The following ASCC1 variants were observed in gnomAD, a reference collection of about 807,000 sequenced individuals.
The protein encoded by ASCC1 is activating signal cointegrator 1 complex subunit 1.
In ASCC1, 35 loss-of-function variants were observed where a neutral mutation model predicts 46.6. The observed-to-expected ratio is 0.75, with a 90% CI of 0.57 to 0.99. ASCC1 has a LOEUF of 0.99. ASCC1 is among the 50% of genes least tolerant of loss of function. ASCC1 has a pLI of 0.00. For synonymous variants in ASCC1, 143 were observed against 146.6 expected (o/e 0.98, Z 0.18); for missense variants, 376 against 428.7 (o/e 0.88, Z 1.09).
Position 72,161,718 on chromosome 10 carries a change from G to C in ASCC1, c.490-44C>G, listed in dbSNP as rs1468981138. The C allele has an allele frequency of 3.1e-6, 5 of 1,612,530 alleles. No homozygotes were observed. In the South Asian group the frequency reaches 4.4e-5, roughly 14 times the overall value. On this transcript the variant is annotated intron_variant, in intron 5 of 9. Transcript: ENST00000672957. ...AAACAAGAAACTCAGCCCATACAAA[G>C]GCAAATGGCAAGAATAAAATTGAGT...
At chr10:72,189,035 G>C (rs934294914) in intron 5 of ASCC1, among the ~76,000 whole-genome samples, 2 of 151,976 alleles carry the variant, frequency 1.3e-5, no homozygotes, top group Admixed American at 6.6e-5. Context: ...AGATTAGAAG[G>C]CCTAAGCTAC....
chr10:72,097,314 A>G lies in ASCC1; in HGVS notation c.*20T>C, dbSNP rs1218943532. 11 of 1,494,692 alleles carry G rather than the reference A, an allele frequency of 7.4e-6. No individual in the cohort carries two copies. The highest frequency in any genetic ancestry group is 1.7e-4 in the Middle Eastern group (1 of 5,852). 92.6% of individuals were successfully genotyped at this position (1,494,692 alleles called of 1,614,324 possible). On this transcript the variant is annotated 3_prime_UTR_variant, in exon 10 of 10. Coordinates refer to ENST00000672957, the MANE Select transcript of ASCC1 (RefSeq NM_001198800.3). ...CACCTGGTGAAGATGTTTAGTTTCT[A>G]GTGCTTTCCAAGATCCACCTCAGGA...
At chr10:72,098,234 G>A (rs970991950) in intron 9 of ASCC1, among the ~76,000 whole-genome samples, 1 of 152,222 alleles carries the variant, frequency 6.6e-6, no homozygotes, top group Admixed American at 6.5e-5. Context: ...AATGACATCA[G>A]AATTCATCCC....
chr10:72,109,843 C>A (rs982954987), intron 9 of ASCC1, among the ~76,000 whole-genome samples: 1 of 152,166 alleles, frequency 6.6e-6, no homozygotes, highest in South Asian at 2.1e-4. Context: ...TACGCTGACC[C>A]GGCTGGAGAA....
Position 72,201,608 on chromosome 10 carries a change from C to T in ASCC1, c.310+1819G>A, listed in dbSNP as rs890161607. ...GGCCGAGGGAAAAGTATTGCTTGAG[C>T]CCAGGAGTTCAAGGCTACAGTGAGC... On this transcript the variant is annotated intron_variant, in intron 4 of 9. Transcript: ENST00000672957. Among the ~76,000 whole-genome samples the T allele has an allele frequency of 1.4e-4, 22 of 151,842 alleles. 1 individual carries two copies. Among genetic ancestry groups the T allele is most frequent in the African/African-American group, 5.3e-4 (22 of 41,336 alleles).
chr10:72,156,253 G>A (rs1589384028), intron 6 of ASCC1, among the ~76,000 whole-genome samples: 1 of 152,144 alleles, frequency 6.6e-6, no homozygotes, highest in Non-Finnish European at 1.5e-5. Context: ...TATGTGATGT[G>A]CTTGATCCCC....
upstream of ASCC1, chr10:72,216,320 A>G (rs1431365537): frequency 1.4e-4 from 22 of 160,946 alleles, no homozygotes. Flanking sequence ...ATGCGGGCCG[A>G]GGGCTGGCGC....
At chr10:72,142,003 G>C (rs981084969) in intron 7 of ASCC1, among the ~76,000 whole-genome samples, 1 of 152,138 alleles carries the variant, frequency 6.6e-6, no homozygotes, top group African/African-American at 2.4e-5. Context: ...AGCCAAAACT[G>C]TCAGAACAAT....
chr10:72,136,753 G>A (rs529627321), intron 7 of ASCC1, among the ~76,000 whole-genome samples: 12 of 151,916 alleles, frequency 7.9e-5, no homozygotes, highest in Non-Finnish European at 1.3e-4. Context: ...CTAACACAAC[G>A]AGGGTCTGCG....
chr10:72,114,027 T>A (rs1162804586), intron 9 of ASCC1, among the ~76,000 whole-genome samples: 1 of 152,230 alleles, frequency 6.6e-6, no homozygotes, highest in East Asian at 1.9e-4. Context: ...ATATTTTTTA[T>A]TAATACCTTC....
intron 8 of ASCC1, 57 bp downstream of exon 8, chr10:72,133,000 A>G: frequency 1.2e-6 from 2 of 1,608,814 alleles, no homozygotes; most frequent in Non-Finnish European, 8.5e-7. Flanking sequence ...CCTAAACCTC[A>G]GAGATGCCAC....
intron 1 of ASCC1, 87 bp from the exon 2 acceptor site, chr10:72,213,418 T>C: frequency 1.4e-6 from 1 of 732,168 alleles, no homozygotes; most frequent in Non-Finnish European, 2.4e-6. Context: ...AGGTCTGAAT[T>C]GGGCATCAGT....
At chr10:72,133,794 G>A (rs1299987732) in intron 7 of ASCC1, 1 of 164,170 alleles carries the variant, frequency 6.1e-6, no homozygotes, top group South Asian at 1.7e-4. Flanking sequence ...AACAGCTACA[G>A]AGGTCAGTCA....
intron 6 of ASCC1, among the ~76,000 whole-genome samples, chr10:72,159,950 G>A (rs948139480): frequency 2.0e-5 from 3 of 149,686 alleles, no homozygotes; most frequent in African/African-American, 5.0e-5. Context: ...TGTCGCCCAG[G>A]CTGGAGTGCA....
At chr10:72,161,712 T>C in intron 5 of ASCC1, 38 bp from the exon 6 acceptor site, 1 of 1,613,490 alleles carries the variant, frequency 6.2e-7, no homozygotes, top group Non-Finnish European at 8.5e-7. Flanking sequence ...ACTCAGCCCA[T>C]ACAAAGGCAA....
chr10:72,132,731 T>TAA (rs77464863), intron 8 of ASCC1, among the ~76,000 whole-genome samples: 4 of 141,044 alleles, frequency 2.8e-5, no homozygotes, highest in Admixed American at 7.1e-5. Context: ...TTTTTCTCTT[T>TAA]AAAAAAAAAA....
At chr10:72,197,332 T>A (rs779333039) in intron 4 of ASCC1, among the ~76,000 whole-genome samples, 1 of 151,720 alleles carries the variant, frequency 6.6e-6, no homozygotes, top group South Asian at 2.1e-4. Flanking sequence ...TTAGCCAGCC[T>A]GGTGGCGGGC....
intron 9 of ASCC1, among the ~76,000 whole-genome samples, chr10:72,116,822 A>T (rs1843544020): frequency 6.6e-6 from 1 of 152,224 alleles, no homozygotes; most frequent in Non-Finnish European, 1.5e-5. Context: ...AGCCAGGCAC[A>T]GTGGCTCATG....
intron 9 of ASCC1, among the ~76,000 whole-genome samples, chr10:72,100,689 C>T (rs535484536): frequency 1.3e-5 from 2 of 151,852 alleles, no homozygotes; most frequent in South Asian, 2.1e-4. Flanking sequence ...CACTGTGTCC[C>T]GCCAATGTAT....
Sources: allele counts gnomAD v4.1 joint callset (sites outside exome capture counted in the v4.1 genomes callset), GRCh38; gene constraint gnomAD v4.1.1; transcripts MANE v1.5; gene names NCBI Gene and HGNC (gene_info 2026-07-23, HGNC 2026-07-21).